TSHZ2: variants seen among roughly 807,000 people sequenced by gnomAD.
TSHZ2 encodes teashirt homolog 2.
Under a neutral mutation model 74.4 loss-of-function variants are expected in TSHZ2, and 21 were observed. The observed-to-expected ratio is 0.28, with a 90% CI of 0.20 to 0.41. The LOEUF (loss-of-function observed/expected upper bound fraction) is 0.41, where lower values mean the gene tolerates loss of function less well. Among genes scored for constraint, TSHZ2 ranks in the 10% least tolerant of loss-of-function variants. The probability of loss-of-function intolerance (pLI) is 1.00; values close to 1 mark genes in which losing one functional copy is unlikely to be tolerated. For missense variants in TSHZ2, 1,244 were observed against 1,293.5 expected (o/e 0.96, Z 0.59); for synonymous variants, 540 against 515.3 (o/e 1.05, Z -0.65).
chr20:53,352,191 C>G (rs892641479), intron 2 of TSHZ2, among the ~76,000 whole-genome samples: 1 of 142,886 alleles, frequency 7.0e-6, no homozygotes, highest in African/African-American at 2.6e-5. Flanking sequence ...GGGGCCAGCT[C>G]TTTACCCCAC....
At chr20:53,102,178 G>A (rs2123295435) in intron 1 of TSHZ2, among the ~76,000 whole-genome samples, 1 of 152,096 alleles carries the variant, frequency 6.6e-6, no homozygotes, top group South Asian at 2.1e-4. Flanking sequence ...ATAAATAATG[G>A]ACAATATGTA....
At chr20:53,355,982 G>A (rs778795205) in intron 2 of TSHZ2, among the ~76,000 whole-genome samples, 12 of 152,190 alleles carry the variant, frequency 7.9e-5, no homozygotes, top group Non-Finnish European at 1.3e-4. Flanking sequence ...GGAAGGCAAG[G>A]ATGGCTTGAG....
At chr20:53,203,177 C>T (rs181132255) in intron 1 of TSHZ2, among the ~76,000 whole-genome samples, 164 of 150,624 alleles carry the variant, frequency 1.1e-3, no homozygotes, top group African/African-American at 3.9e-3. Context: ...AGAACTGGGT[C>T]TGAGCAGACT....
intron 1 of TSHZ2, among the ~76,000 whole-genome samples, chr20:53,010,359 C>A (rs1982804844): frequency 6.6e-6 from 1 of 152,158 alleles, no homozygotes; most frequent in African/African-American, 2.4e-5. Flanking sequence ...GCACAATCCT[C>A]CATGTCTAAA....
intron 2 of TSHZ2, among the ~76,000 whole-genome samples, chr20:53,422,334 C>G (rs1347725625): frequency 6.6e-6 from 1 of 152,150 alleles, no homozygotes; most frequent in African/African-American, 2.4e-5. Flanking sequence ...CAAACTCCTC[C>G]TCTTGTCACT....
At chr20:53,260,810 T>C (rs943643816) in intron 2 of TSHZ2, among the ~76,000 whole-genome samples, 5 of 152,222 alleles carry the variant, frequency 3.3e-5, no homozygotes, top group African/African-American at 1.2e-4. Context: ...GTAGAGCCAC[T>C]ACATGCTCTT....
intron 1 of TSHZ2, among the ~76,000 whole-genome samples, chr20:53,020,073 G>C (rs1274467460): frequency 6.6e-6 from 1 of 152,094 alleles, no homozygotes; most frequent in African/African-American, 2.4e-5. Context: ...TTTTAAAACC[G>C]TGAGAGCTCG....
chr20:53,352,859 G>A (rs572393034), intron 2 of TSHZ2, among the ~76,000 whole-genome samples: 3 of 151,816 alleles, frequency 2.0e-5, no homozygotes, highest in African/African-American at 7.2e-5. Context: ...ATTTGGAGGT[G>A]CAAATTCCTT....
intron 1 of TSHZ2, among the ~76,000 whole-genome samples, chr20:53,112,016 A>C (rs1176048255): frequency 2.6e-5 from 4 of 152,168 alleles, no homozygotes; most frequent in Non-Finnish European, 5.9e-5. Flanking sequence ...CTCCACACCC[A>C]TGTCCCGGCC....
intron 1 of TSHZ2, among the ~76,000 whole-genome samples, chr20:53,162,509 G>GA (rs139600447): frequency 0.014 from 2,135 of 152,282 alleles, 41 homozygotes; most frequent in African/African-American, 0.049. Flanking sequence ...GCCACTAGGG[G>GA]ATCGGTCGAT....
At chr20:53,397,359 A>G (rs1209381456) in intron 2 of TSHZ2, among the ~76,000 whole-genome samples, 1 of 152,248 alleles carries the variant, frequency 6.6e-6, no homozygotes, top group Non-Finnish European at 1.5e-5. Context: ...TATGCAGCCA[A>G]CAGACACATG....
chr20:53,265,796 C>T (rs778664337), intron 2 of TSHZ2, among the ~76,000 whole-genome samples: 1 of 152,198 alleles, frequency 6.6e-6, no homozygotes, highest in African/African-American at 2.4e-5. Context: ...TTATTCTGAA[C>T]GTCCCACACA....
At chr20:53,461,840 G>A (rs1032932846) in intron 2 of TSHZ2, among the ~76,000 whole-genome samples, 2 of 152,292 alleles carry the variant, frequency 1.3e-5, no homozygotes, top group Admixed American at 1.3e-4. Context: ...AGAGATGTAA[G>A]TTATGGAGGT....
intron 1 of TSHZ2, among the ~76,000 whole-genome samples, chr20:53,092,660 G>A (rs1018365126): frequency 3.3e-5 from 5 of 152,242 alleles, no homozygotes; most frequent in Admixed American, 6.5e-5. Context: ...AAATTATTTT[G>A]AAGTCTTAAG....
chr20:53,190,137 A>ATATATATTTT (rs1568803538), intron 1 of TSHZ2, among the ~76,000 whole-genome samples: 1 of 90,498 alleles, frequency 1.1e-5, no homozygotes, highest in Non-Finnish European at 2.2e-5. Context: ...ATATATATAT[A>ATATATATTTT]TTTTCTTAAA....
chr20:53,067,379 A>C (rs1035309349), intron 1 of TSHZ2, among the ~76,000 whole-genome samples: 1 of 152,242 alleles, frequency 6.6e-6, no homozygotes, highest in Non-Finnish European at 1.5e-5. Context: ...AAATGGTAAA[A>C]TAATTCTAAT....
intron 1 of TSHZ2, among the ~76,000 whole-genome samples, chr20:53,233,564 T>C (rs1989875094): frequency 6.6e-6 from 1 of 152,190 alleles, no homozygotes; most frequent in South Asian, 2.1e-4. Context: ...ATAATTATCC[T>C]TGCTTTACAG....
chr20:53,213,102 G>A (rs951757062), intron 1 of TSHZ2, among the ~76,000 whole-genome samples: 15 of 152,216 alleles, frequency 9.9e-5, no homozygotes, highest in Admixed American at 5.9e-4. Flanking sequence ...AGTATGGAGG[G>A]TTAAGTTTCA....
chr20:53,046,493 G>A (rs936621969), intron 1 of TSHZ2, among the ~76,000 whole-genome samples: 3 of 152,070 alleles, frequency 2.0e-5, no homozygotes, highest in Non-Finnish European at 4.4e-5. Flanking sequence ...ATCACCCTAA[G>A]CTAAAATATT....
Sources: gnomAD v4.1 joint callset for allele counts (sites outside exome capture counted in the v4.1 genomes callset) on GRCh38, gnomAD v4.1.1 for gene constraint, MANE v1.5 for transcripts, NCBI Gene and HGNC (gene_info 2026-07-23, HGNC 2026-07-21) for gene names.